The following SLC35F3 variants were observed in gnomAD, a reference collection of about 807,000 sequenced individuals.
SLC35F3 encodes putative thiamine transporter SLC35F3.
SLC35F3 carries 25 observed loss-of-function variants against 49.9 expected under a neutral mutation model. The observed-to-expected ratio is 0.50, with a 90% confidence interval of 0.37 to 0.70. The LOEUF is 0.70. Ranked by LOEUF, SLC35F3 falls within the 30% of genes least tolerant of loss-of-function variation. The probability of loss-of-function intolerance (pLI) is 0.00; values close to 1 mark genes in which losing one functional copy is unlikely to be tolerated. For missense variants in SLC35F3, 525 were observed against 639.8 expected, an observed-to-expected ratio of 0.82 and a Z score of 1.94; for synonymous variants, 275 against 265.4, an observed-to-expected ratio of 1.04 and a Z score of -0.35.
intron 2 of SLC35F3, among the ~76,000 whole-genome samples, chr1:234,115,584 C>T (rs1665474331): frequency 1.3e-5 from 2 of 152,168 alleles, no homozygotes; most frequent in African/African-American, 4.8e-5. Context: ...ACATGTTCAA[C>T]TTTTTATTTT....
intron 2 of SLC35F3, among the ~76,000 whole-genome samples, chr1:233,991,248 C>T (rs548916061): frequency 4.3e-4 from 66 of 152,264 alleles, no homozygotes; most frequent in African/African-American, 1.4e-3. Flanking sequence ...GGCAGCCTGT[C>T]TGGGCCCCTG....
chr1:234,237,629 G>A (rs1053514892), intron 3 of SLC35F3, among the ~76,000 whole-genome samples: 3 of 152,192 alleles, frequency 2.0e-5, no homozygotes, highest in South Asian at 2.1e-4. Context: ...CCTATCAACA[G>A]TTGTTCTTTA....
At chr1:234,293,435 T>A (rs1668539474) in intron 3 of SLC35F3, among the ~76,000 whole-genome samples, 1 of 152,226 alleles carries the variant, frequency 6.6e-6, no homozygotes, top group African/African-American at 2.4e-5. Context: ...CAACCCATTT[T>A]GAATCCTTGA....
chr1:234,120,016 A>G (rs1665548670), intron 2 of SLC35F3, among the ~76,000 whole-genome samples: 1 of 152,186 alleles, frequency 6.6e-6, no homozygotes, highest in South Asian at 2.1e-4. Flanking sequence ...CTGTGCTGGC[A>G]GGTGCATGGG....
At chr1:234,090,919 C>T (rs1015629317) in intron 2 of SLC35F3, among the ~76,000 whole-genome samples, 19 of 152,200 alleles carry the variant, frequency 1.2e-4, no homozygotes, top group Non-Finnish European at 2.9e-5. Flanking sequence ...GTTTGGCAGG[C>T]TCAATCTGGT....
At chr1:233,921,303 C>T (rs1662054145) in intron 2 of SLC35F3, among the ~76,000 whole-genome samples, 1 of 152,148 alleles carries the variant, frequency 6.6e-6, no homozygotes, top group South Asian at 2.1e-4. Context: ...ATCCGCCCCA[C>T]CCCGACACAT....
intron 2 of SLC35F3, among the ~76,000 whole-genome samples, chr1:234,103,009 A>G (rs1186589970): frequency 6.6e-6 from 1 of 152,236 alleles, no homozygotes; most frequent in Non-Finnish European, 1.5e-5. Context: ...GTGTCACTCT[A>G]CACAGACGTT....
chr1:234,015,624 T>C (rs1324957095), intron 2 of SLC35F3, among the ~76,000 whole-genome samples: 1 of 152,134 alleles, frequency 6.6e-6, no homozygotes, highest in Non-Finnish European at 1.5e-5. Flanking sequence ...AGAATGAAAT[T>C]GGACCCTCAT....
At chr1:234,236,974 G>T (rs1667485226) in intron 3 of SLC35F3, among the ~76,000 whole-genome samples, 1 of 114,972 alleles carries the variant, frequency 8.7e-6, no homozygotes. Flanking sequence ...TGGAGGAAAT[G>T]GGGCGAGAGC....
chr1:234,217,078 A>G lies in SLC35F3; in HGVS notation c.284-14339A>G, dbSNP rs568977205. Among the ~76,000 whole-genome samples, 32 of 152,280 alleles carry G rather than the reference A, an allele frequency of 2.1e-4. 1 individual carries two copies. The South Asian group carries it at 4.1e-3, about 20-fold the overall frequency. On this transcript the variant is annotated intron_variant, in intron 2 of 7. Transcript: ENST00000366618. ...AATCATTTCATTTTAACTTGAATGC[A>G]CAGGGCAAGGTGGTCCCCATGCTGT... is the stretch of plus-strand genomic sequence containing the variant.
chr1:233,920,017 A>G (rs904465752), intron 2 of SLC35F3, among the ~76,000 whole-genome samples: 1 of 152,132 alleles, frequency 6.6e-6, no homozygotes, highest in Non-Finnish European at 1.5e-5. Flanking sequence ...AGTCATCTCT[A>G]GGAGGGTGTT....
At chr1:234,169,421 G>A (rs1666365138) in intron 2 of SLC35F3, among the ~76,000 whole-genome samples, 1 of 152,206 alleles carries the variant, frequency 6.6e-6, no homozygotes, top group Non-Finnish European at 1.5e-5. Context: ...TTAGCAACAT[G>A]ACAAGGACAA....
chr1:234,262,595 C>G (rs1427293213), intron 3 of SLC35F3, among the ~76,000 whole-genome samples: 1 of 152,124 alleles, frequency 6.6e-6, no homozygotes, highest in East Asian at 1.9e-4. Context: ...TCCGGAGGGC[C>G]GCTGGCATTT....
At chr1:234,108,060 C>T (rs1665310590) in intron 2 of SLC35F3, among the ~76,000 whole-genome samples, 1 of 151,350 alleles carries the variant, frequency 6.6e-6, no homozygotes, top group African/African-American at 2.4e-5. Flanking sequence ...AAAAAAAGCA[C>T]TGCTTAAGTG....
chr1:234,017,796 A>G (rs1663827172), intron 2 of SLC35F3, among the ~76,000 whole-genome samples: 1 of 151,826 alleles, frequency 6.6e-6, no homozygotes, highest in South Asian at 2.1e-4. Context: ...TTCAATGGCA[A>G]AAACCGTGAT....
intron 2 of SLC35F3, among the ~76,000 whole-genome samples, chr1:234,068,071 C>G (rs1247131370): frequency 1.3e-5 from 2 of 152,078 alleles, no homozygotes; most frequent in Admixed American, 6.5e-5. Flanking sequence ...CCTCATGGCT[C>G]TCCTAGAGAT....
chr1:234,254,634 G>T (rs182275923), intron 3 of SLC35F3, among the ~76,000 whole-genome samples: 2 of 152,286 alleles, frequency 1.3e-5, no homozygotes, highest in Admixed American at 1.3e-4. Flanking sequence ...AAACAGGATT[G>T]TAAAAGATAC....
chr1:233,964,101 G>A (rs985513689), intron 2 of SLC35F3, among the ~76,000 whole-genome samples: 7 of 152,212 alleles, frequency 4.6e-5, no homozygotes, highest in Non-Finnish European at 1.0e-4. Context: ...CTAATACTCT[G>A]AGGAGTTGCC....
At chr1:233,909,774 C>G (rs901468121) in intron 2 of SLC35F3, among the ~76,000 whole-genome samples, 5 of 152,320 alleles carry the variant, frequency 3.3e-5, no homozygotes, top group African/African-American at 9.6e-5. Flanking sequence ...CACCCTGCCC[C>G]CTAAGTTGTA....
Sources: allele counts gnomAD v4.1 joint callset (sites outside exome capture counted in the v4.1 genomes callset), GRCh38; gene constraint gnomAD v4.1.1; transcripts MANE v1.5; gene names NCBI Gene and HGNC (gene_info 2026-07-23, HGNC 2026-07-21).